The following NEDD4 variants were observed in gnomAD, a reference collection of about 807,000 sequenced individuals.
NEDD4 encodes NEDD4 E3 ubiquitin protein ligase.
In NEDD4, 99 loss-of-function variants were observed where a neutral mutation model predicts 144.9. That is an observed-to-expected ratio of 0.68 (90% CI 0.58 to 0.81). The LOEUF (loss-of-function observed/expected upper bound fraction) is 0.81, where lower values mean the gene tolerates loss of function less well. Ranked by LOEUF, NEDD4 falls within the 30% of genes least tolerant of loss-of-function variation. NEDD4 has a pLI of 0.00. For missense variants in NEDD4, 985 were observed against 1,065.9 expected (o/e 0.92, Z 1.06); for synonymous variants, 318 against 350.6 (o/e 0.91, Z 1.04).
intron 4 of NEDD4, among the ~76,000 whole-genome samples, chr15:55,943,924 C>G (rs1450681432): frequency 6.6e-6 from 1 of 152,228 alleles, no homozygotes; most frequent in African/African-American, 2.4e-5. Context: ...TGGAGACACC[C>G]AAGGCCTTTC....
At chr15:55,947,820 T>C (rs1187574909) in intron 4 of NEDD4, among the ~76,000 whole-genome samples, 2 of 152,224 alleles carry the variant, frequency 1.3e-5, no homozygotes, top group African/African-American at 4.8e-5. Context: ...TAAGAGCTAT[T>C]TATGACAAAC....
chr15:55,849,553 G>T (rs1366171678), intron 14 of NEDD4, among the ~76,000 whole-genome samples: 1 of 152,014 alleles, frequency 6.6e-6, no homozygotes, highest in Non-Finnish European at 1.5e-5. Flanking sequence ...CATGCATTTT[G>T]CCAGCTATCT....
rs112140888 is a variant in NEDD4 at position 55,944,654 on chromosome 15, T to C, written c.237+6722A>G. On this transcript the variant is annotated intron_variant, in intron 4 of 28. Coordinates refer to ENST00000435532, the MANE Select transcript of NEDD4 (RefSeq NM_006154.4). ...AGCAGTGGTTCTCCCAGCATGGGAT[T>C]TGAGCTCTGATAACAAGAGACTGCC... is the stretch of plus-strand genomic sequence containing the variant. 4.6e-5 allele frequency among the ~76,000 whole-genome samples: 7 copies of C among 152,256 alleles called. 1 individual carries two copies. The highest frequency in any genetic ancestry group is 1.7e-4 in the African/African-American group (7 of 41,568).
intron 8 of NEDD4, among the ~76,000 whole-genome samples, chr15:55,868,981 C>T (rs2034680879): frequency 6.6e-6 from 1 of 152,134 alleles, no homozygotes; most frequent in Non-Finnish European, 1.5e-5. Flanking sequence ...CAAACCCTAT[C>T]CAATTCTATT....
chr15:55,989,404 A>C (rs1409977844), intron 1 of NEDD4, among the ~76,000 whole-genome samples: 2 of 152,326 alleles, frequency 1.3e-5, no homozygotes, highest in South Asian at 4.1e-4. Context: ...AGAAATTACT[A>C]ATACAGCTGC....
intron 18 of NEDD4, among the ~76,000 whole-genome samples, chr15:55,843,579 T>A (rs1363428759): frequency 1.3e-5 from 2 of 152,158 alleles, no homozygotes; most frequent in Admixed American, 6.5e-5. Flanking sequence ...AGAGAAAACA[T>A]GCCATCAATA....
chr15:55,983,307 CGCGCGTGCGT>C (rs1189826407), intron 1 of NEDD4, among the ~76,000 whole-genome samples: 15 of 145,240 alleles, frequency 1.0e-4, no homozygotes, highest in African/African-American at 3.4e-4. Context: ...TGTGCGTGCG[CGCGCGTGCGT>C]GCATTTGATT....
intron 5 of NEDD4, among the ~76,000 whole-genome samples, chr15:55,901,507 G>A (rs376810890): frequency 6.6e-6 from 1 of 152,092 alleles, no homozygotes; most frequent in Non-Finnish European, 1.5e-5. Context: ...ATCAAAATTC[G>A]TGAGTATAAG....
chr15:55,886,249 G>A (rs1286830121), intron 5 of NEDD4, among the ~76,000 whole-genome samples: 1 of 152,166 alleles, frequency 6.6e-6, no homozygotes, highest in East Asian at 1.9e-4. Context: ...TACAATTATA[G>A]CTTGAGAATT....
chr15:55,910,027 T>C (rs542111941), intron 5 of NEDD4, among the ~76,000 whole-genome samples: 2 of 152,234 alleles, frequency 1.3e-5, no homozygotes, highest in South Asian at 2.1e-4. Context: ...CTCATCATAC[T>C]TGCTTATTCT....
At chr15:55,865,128 G>T (rs1449669618) in intron 8 of NEDD4, among the ~76,000 whole-genome samples, 3 of 148,122 alleles carry the variant, frequency 2.0e-5, no homozygotes, top group Non-Finnish European at 4.4e-5. Flanking sequence ...AGCCCAGGAG[G>T]CAGAGGTTGC....
At chr15:55,867,086 G>C (rs1468122757) in intron 8 of NEDD4, among the ~76,000 whole-genome samples, 1 of 152,114 alleles carries the variant, frequency 6.6e-6, no homozygotes, top group East Asian at 1.9e-4. Flanking sequence ...AAAATCAAAT[G>C]TTACATAATT....
Position 55,829,677 on chromosome 15 carries a change from T to A in NEDD4, c.*220A>T. On this transcript the variant is annotated 3_prime_UTR_variant, in exon 29 of 29. Transcript: ENST00000435532. ...GCCTGGCTTTAGGCAGGCACCTAAC[T>A]CTAAAGACAGCATGAAACAACTGTG... 7.1e-6 allele frequency: 3 copies of A among 421,270 alleles called. No individual in the cohort carries two copies. Among genetic ancestry groups the A allele is most frequent in the Non-Finnish European group, 4.3e-6 (1 of 233,744 alleles). The allele number at this position is 421,270 out of a possible 1,614,324, so 26.1% of individuals were successfully genotyped here.
intron 5 of NEDD4, among the ~76,000 whole-genome samples, chr15:55,923,070 G>A (rs184658574): frequency 6.6e-5 from 10 of 151,972 alleles, no homozygotes; most frequent in Admixed American, 5.9e-4. Flanking sequence ...TGTAATCCCA[G>A]CTACTTGGAA....
intron 5 of NEDD4, among the ~76,000 whole-genome samples, chr15:55,911,860 C>A (rs535895535): frequency 6.6e-6 from 1 of 152,148 alleles, no homozygotes; most frequent in Non-Finnish European, 1.5e-5. Context: ...ACAAGCATGT[C>A]CCTATTACTA....
chr15:55,990,989 G>T (rs1595893278), intron 1 of NEDD4, among the ~76,000 whole-genome samples: 2 of 152,214 alleles, frequency 1.3e-5, no homozygotes, highest in Admixed American at 6.5e-5. Flanking sequence ...ACTGAAAAGT[G>T]AGAGAAAGGT....
intron 5 of NEDD4, chr15:55,916,143 C>G (rs1476586889): frequency 5.6e-6 from 9 of 1,613,752 alleles, no homozygotes; most frequent in Non-Finnish European, 7.6e-6. Context: ...TGTACTTGTA[C>G]TTCTTGAAAA....
At chr15:55,953,354 A>G (rs2037279290) in intron 2 of NEDD4, among the ~76,000 whole-genome samples, 1 of 151,868 alleles carries the variant, frequency 6.6e-6, no homozygotes, top group East Asian at 1.9e-4. Flanking sequence ...TCTTTATTTC[A>G]TACAGATCAC....
chr15:55,876,416 A>G (rs2034995843), intron 5 of NEDD4, among the ~76,000 whole-genome samples: 1 of 152,076 alleles, frequency 6.6e-6, no homozygotes, highest in South Asian at 2.1e-4. Context: ...CAAAAAAAAA[A>G]TTGTATCGCT....
Sources: gnomAD v4.1 joint callset for allele counts (sites outside exome capture counted in the v4.1 genomes callset) on GRCh38, gnomAD v4.1.1 for gene constraint, MANE v1.5 for transcripts, NCBI Gene and HGNC (gene_info 2026-07-23, HGNC 2026-07-21) for gene names.